Variants in PPP2R3B observed in about 807,000 individuals in gnomAD.
PPP2R3B encodes serine/threonine-protein phosphatase 2A regulatory subunit B'' subunit beta.
A neutral mutation model predicts 72.9 loss-of-function variants in PPP2R3B; 68 were observed. The observed-to-expected ratio is 0.93, with a 90% CI of 0.77 to 1.14. The LOEUF (loss-of-function observed/expected upper bound fraction) is 1.14, where lower values mean the gene tolerates loss of function less well. Ranked by LOEUF, PPP2R3B falls within the 50% of genes most tolerant of loss-of-function variation. The pLI is 0.00. For synonymous variants in PPP2R3B, 466 were observed against 375.8 expected, an observed-to-expected ratio of 1.24 and a Z score of -2.78; for missense variants, 1,018 against 842.0, an observed-to-expected ratio of 1.21 and a Z score of -2.59.
chrX:369,316 T>C (rs1057261025), intron 1 of PPP2R3B, among the ~76,000 whole-genome samples: 2 of 152,158 alleles, frequency 1.3e-5, no homozygotes, highest in African/African-American at 4.8e-5. Flanking sequence ...CCTCAGTACG[T>C]GTACTTTAAA....
intron 12 of PPP2R3B, chrX:338,129 T>C (rs191208805): frequency 7.2e-5 from 14 of 195,022 alleles, no homozygotes; most frequent in African/African-American, 3.2e-4. Flanking sequence ...ACGTCGCAAA[T>C]AAAGGGTTTG....
intron 10 of PPP2R3B, 127 bp from the exon 11 acceptor site, chrX:339,023 CGT>C (rs2124566672): frequency 2.5e-6 from 2 of 787,126 alleles, no homozygotes; most frequent in East Asian, 4.9e-5. Flanking sequence ...TCTCACGCCA[CGT>C]GTTTGACGTG....
intron 2 of PPP2R3B, chrX:359,801 A>G (rs747285017): frequency 2.0e-6 from 1 of 504,068 alleles, no homozygotes; most frequent in Admixed American, 2.1e-5. Context: ...AAAAGCTAAA[A>G]TAACAATAAG....
intron 2 of PPP2R3B, among the ~76,000 whole-genome samples, chrX:354,413 G>A (rs1205027119): frequency 2.6e-5 from 4 of 152,208 alleles, no homozygotes; most frequent in South Asian, 2.1e-4. Context: ...CCCAAGGACC[G>A]GGGCTGCCTT....
At chrX:341,984 TCACCACCCCCCGGAGC>T in intron 7 of PPP2R3B, 53 bp from the exon 8 acceptor site, 1 of 1,601,356 alleles carries the variant, frequency 6.2e-7, no homozygotes, top group Non-Finnish European at 8.5e-7. Flanking sequence ...GGCCCCGACG[TCACCACCCCCCGGAGC>T]CGAGACTGGA....
rs747807754 is a variant in PPP2R3B, at chrX:341,405, A to G, written c.1086-9T>C. 31 of 1,612,206 alleles carry G rather than the reference A, an allele frequency of 1.9e-5. No individual in the cohort carries two copies. The highest frequency in any genetic ancestry group is 2.5e-5 in the Non-Finnish European group (29 of 1,179,420). On this transcript the variant is annotated splice_polypyrimidine_tract_variant and intron_variant, in intron 8 of 12. Transcript: ENST00000390665. The stretch of plus-strand genomic sequence containing the variant: ...TCTGCACTTTTCTGCCTCTAGATCG[A>G]AAGCCAGGATGGAGAGACGAAGATG...
Position 364,755 on chromosome X carries a change from T to C in PPP2R3B, c.325-3165A>G, listed in dbSNP as rs773893031. On this transcript the variant is annotated intron_variant, in intron 1 of 12. Transcript: ENST00000390665. Reference sequence around the variant, plus strand: ...ACGATTAACCAGGTGTGGTGGCGCATGCCTGTACTCCCAGCTACTCGGGAG... The same window carrying C: ...ACGATTAACCAGGTGTGGTGGCGCACGCCTGTACTCCCAGCTACTCGGGAG... Among the ~76,000 whole-genome samples the C allele has an allele frequency of 1.2e-4, 9 of 77,234 alleles. No individual in the cohort carries two copies. In the South Asian group the frequency reaches 1.8e-3, roughly 15 times the overall value. The allele number at this position is 77,234 out of a possible 152,430, so 50.7% of individuals were successfully genotyped here. A position where few individuals can be genotyped will look rare whatever the true frequency, so the allele number is the denominator to read the frequency against.
intron 10 of PPP2R3B, 60 bp from the exon 11 acceptor site, chrX:338,956 TGTGGGGTGCGC>T (rs1217730674): frequency 1.4e-6 from 2 of 1,411,074 alleles, no homozygotes; most frequent in African/African-American, 2.8e-5. Flanking sequence ...GGGGCCTGGG[TGTGGGGTGCGC>T]GCGTCCTGTC....
chrX:385,772 A>T (rs2072234040), intron 1 of PPP2R3B, among the ~76,000 whole-genome samples: 1 of 152,162 alleles, frequency 6.6e-6, no homozygotes, highest in Non-Finnish European at 1.5e-5. Flanking sequence ...CCCTGTCTCC[A>T]AAGAATTGTA....
At chrX:356,979 A>AAC (rs58829940) in intron 2 of PPP2R3B, among the ~76,000 whole-genome samples, 1 of 111,596 alleles carries the variant, frequency 9.0e-6, no homozygotes, top group East Asian at 3.7e-4. Context: ...ATCAGTCCTC[A>AAC]ACACACACAC....
rs1222545536 is a variant in PPP2R3B, at chrX:334,288, AAC to A, written c.*77_*78del. ...CCGTACAAACGCACTCATTTTCCAC[AAC>A]AGTTTTTACACGAGCCGCGGTGGCC... is the stretch of plus-strand genomic sequence containing the variant. On this transcript the variant is annotated 3_prime_UTR_variant, in exon 13 of 13. Coordinates refer to ENST00000390665, the MANE Select transcript of PPP2R3B (RefSeq NM_013239.5). 7.0e-5 allele frequency: 97 copies of A among 1,379,208 alleles called. No individual in the cohort carries two copies. In the East Asian group the frequency reaches 1.3e-3, roughly 18 times the overall value. The allele number at this position is 1,379,208 out of a possible 1,614,324, so 85.4% of individuals were successfully genotyped here.
intron 2 of PPP2R3B, among the ~76,000 whole-genome samples, chrX:350,578 C>T (rs756774343): frequency 5.3e-4 from 81 of 152,304 alleles, no homozygotes; most frequent in African/African-American, 1.6e-3. Context: ...GAGGGGTGCA[C>T]GGTGGCCGTA....
intron 4 of PPP2R3B, 25 bp from the exon 5 acceptor site, chrX:346,800 C>G: frequency 6.3e-7 from 1 of 1,599,472 alleles, no homozygotes; most frequent in African/African-American, 1.3e-5. Flanking sequence ...ACACGAGGCG[C>G]GTGGTGTAGA....
At position 342,060 on chromosome X, in the gene PPP2R3B, C is replaced by T. The variant is rs1055922103; in HGVS notation, c.1037-129G>A. 1.3e-5 allele frequency: 15 copies of T among 1,190,000 alleles called. 1 individual carries two copies. Among genetic ancestry groups the T allele is most frequent in the Admixed American group, 6.9e-5 (4 of 58,354 alleles). 73.7% of individuals were successfully genotyped at this position (1,190,000 alleles called of 1,614,324 possible). A position where few individuals can be genotyped will look rare whatever the true frequency, so the allele number is the denominator to read the frequency against. The stretch of plus-strand genomic sequence containing the variant: ...AGGACGCCTGGGTCTGGGAGAGCCC[C>T]GGGGCCCCGATGCCCCTGCACGGCC... On this transcript the variant is annotated intron_variant, in intron 7 of 12. Transcript: ENST00000390665.
At chrX:344,201 G>C (rs146431001) in intron 7 of PPP2R3B, among the ~76,000 whole-genome samples, 3,269 of 23,338 alleles carry the variant, frequency 0.14, 733 homozygotes, top group Middle Eastern at 0.33. Context: ...TGAGACCTCA[G>C]CAACGGGAGG....
intron 1 of PPP2R3B, among the ~76,000 whole-genome samples, chrX:371,583 C>T (rs1184417049): frequency 6.6e-6 from 1 of 152,108 alleles, no homozygotes; most frequent in Non-Finnish European, 1.5e-5. Context: ...GTGCGGCCAA[C>T]GTTGGCCGTG....
intron 2 of PPP2R3B, chrX:347,951 A>G (rs1291825638): frequency 6.9e-6 from 3 of 437,368 alleles, no homozygotes; most frequent in Non-Finnish European, 1.2e-5. Flanking sequence ...CACTGTAACC[A>G]GAGGCGGCTG....
intron 1 of PPP2R3B, among the ~76,000 whole-genome samples, chrX:384,053 G>A (rs919805634): frequency 4.6e-5 from 7 of 151,612 alleles, no homozygotes; most frequent in African/African-American, 1.2e-4. Context: ...CTGAGGTGAG[G>A]GTTAAGTCAC....
At chrX:379,239 ATG>A (rs34596346) in intron 1 of PPP2R3B, among the ~76,000 whole-genome samples, 58,087 of 144,026 alleles carry the variant, frequency 0.4, 11,504 homozygotes, top group Middle Eastern at 0.47. Flanking sequence ...GTATGCACCT[ATG>A]TGTGTGTGTG....
Sources: gnomAD v4.1 joint callset for allele counts (sites outside exome capture counted in the v4.1 genomes callset) on GRCh38, gnomAD v4.1.1 for gene constraint, MANE v1.5 for transcripts, NCBI Gene and HGNC (gene_info 2026-07-23, HGNC 2026-07-21) for gene names.